ATAD2: variants seen among roughly 807,000 people sequenced by gnomAD.
ATAD2 encodes ATPase family AAA domain containing 2.
ATAD2 carries 62 observed loss-of-function variants against 168.9 expected under a neutral mutation model. That is an observed-to-expected ratio of 0.37 (90% CI 0.30 to 0.45). The LOEUF is 0.45. Among genes scored for constraint, ATAD2 ranks in the 20% least tolerant of loss-of-function variants. The pLI, the probability that ATAD2 is intolerant of heterozygous loss-of-function variation, is 1.00. For synonymous variants in ATAD2, 613 were observed against 571.6 expected (o/e 1.07, Z -1.03); for missense variants, 1,419 against 1,667.8 (o/e 0.85, Z 2.60).
intron 16 of ATAD2, 87 bp from the exon 17 acceptor site, chr8:123,346,837 A>G: frequency 7.4e-7 from 1 of 1,359,380 alleles, no homozygotes; most frequent in Non-Finnish European, 1.0e-6. Context: ...GCATACTTCA[A>G]TTAAATTTTT....
chr8:123,368,774 T>A (rs923672788), intron 8 of ATAD2, among the ~76,000 whole-genome samples: 2 of 152,172 alleles, frequency 1.3e-5, no homozygotes, highest in Non-Finnish European at 2.9e-5. Context: ...GAGCCAGGAC[T>A]ACAGTAAACC....
At chr8:123,326,441 A>T (rs1586853784) in intron 25 of ATAD2, among the ~76,000 whole-genome samples, 2 of 152,172 alleles carry the variant, frequency 1.3e-5, no homozygotes, top group South Asian at 4.2e-4. Flanking sequence ...AGGCCAAGGC[A>T]GGTGAATCCC....
At chr8:123,343,255 C>T (rs142141616) in intron 19 of ATAD2, among the ~76,000 whole-genome samples, 2 of 152,166 alleles carry the variant, frequency 1.3e-5, no homozygotes, top group African/African-American at 4.8e-5. Flanking sequence ...GAATTACAGG[C>T]GTGAACCACC....
At chr8:123,375,999 G>A (rs1018069127) in intron 2 of ATAD2, among the ~76,000 whole-genome samples, 3 of 151,966 alleles carry the variant, frequency 2.0e-5, no homozygotes, top group African/African-American at 4.8e-5. Context: ...CCAGCTACTC[G>A]GGAGGCTGAG....
In ATAD2 at chr8:123,389,459, GA is replaced by G. The variant is rs1485306110; in HGVS notation, c.171+6727del. On this transcript the variant is annotated intron_variant, in intron 1 of 27. Transcript: ENST00000287394. ...TTGAGACCATCCTGGCTATCACGGTGAAAACCCAGTCTCTACTAAAAATACA... is the reference window on the plus strand; with the variant it reads ...TTGAGACCATCCTGGCTATCACGGTGAAACCCAGTCTCTACTAAAAATACA... Among the ~76,000 whole-genome samples the G allele has an allele frequency of 2.0e-4, 30 of 150,352 alleles. No individual in the cohort carries two copies. In the East Asian group the frequency reaches 2.4e-3, roughly 12 times the overall value.
chr8:123,348,442 C>T (rs1401044490), intron 14 of ATAD2, among the ~76,000 whole-genome samples, 169 bp from the exon 15 acceptor site: 7 of 152,024 alleles, frequency 4.6e-5, no homozygotes, highest in African/African-American at 7.3e-5. Flanking sequence ...TTTGGGAGGC[C>T]GAGGCAGGTG....
intron 21 of ATAD2, 82 bp from the exon 22 acceptor site, chr8:123,336,614 G>A: frequency 1.9e-6 from 2 of 1,049,408 alleles, no homozygotes; most frequent in Non-Finnish European, 1.3e-6. Context: ...AGGCAATATA[G>A]GAGATAGAGA....
intron 1 of ATAD2, among the ~76,000 whole-genome samples, chr8:123,390,070 C>T (rs1184324871): frequency 1.3e-5 from 2 of 149,218 alleles, no homozygotes; most frequent in Non-Finnish European, 3.0e-5. Context: ...CCTCTGCCTC[C>T]AGGGTTCAAG....
intron 1 of ATAD2, chr8:123,401,887 G>C: frequency 1.3e-6 from 1 of 765,598 alleles, no homozygotes; most frequent in East Asian, 2.4e-5. Context: ...AGATCACACA[G>C]GGTGTCTCGG....
At chr8:123,400,791 T>C, upstream of ATAD2, 1 of 899,314 alleles carries the variant, frequency 1.1e-6, no homozygotes, top group Non-Finnish European at 1.9e-6. This position sits in a 1 kb window ranked among gnomAD's most constrained non-coding sequence, Gnocchi z 4.5. Flanking sequence ...CCATGGACAC[T>C]GTGACAGAGG....
rs750743842 is a variant in ATAD2, at chr8:123,369,942, ATCG to A, written c.807_809del (p.Asp277del). 42 of 1,554,772 alleles carry A rather than the reference ATCG, an allele frequency of 2.7e-5. No homozygotes were observed. Among genetic ancestry groups the A allele is most frequent in the African/African-American group, 1.1e-4 (8 of 73,114 alleles). ...CTTCATCATCATCATCATCATCATCATCGTCATCATCATCATCATCTTCATCAT... is the reference window on the plus strand; with the variant it reads ...CTTCATCATCATCATCATCATCATCATCATCATCATCATCATCTTCATCAT... On this transcript the variant is annotated inframe_deletion, in exon 7 of 28. Coordinates refer to ENST00000287394, the MANE Select transcript of ATAD2 (RefSeq NM_014109.4).
intron 24 of ATAD2, 103 bp downstream of exon 24, chr8:123,333,775 T>C: frequency 2.4e-6 from 3 of 1,246,044 alleles, no homozygotes; most frequent in Non-Finnish European, 3.2e-6. Context: ...ATCAATGTAA[T>C]TCACTGCATT....
At position 123,372,617 on chromosome 8, in the gene ATAD2, A is replaced by T. The variant is rs773399522; in HGVS notation, c.370+20T>A. The T allele has an allele frequency of 6.5e-7, 1 of 1,542,576 alleles. No homozygotes were observed. The highest frequency in any genetic ancestry group is 2.0e-5 in the Admixed American group (1 of 49,082). Reference sequence around the variant, plus strand: ...TTAATTACACATTTTAAGATCTGAAATGACTTTAACAGTACTTACCTTCTC... The same window carrying T: ...TTAATTACACATTTTAAGATCTGAATTGACTTTAACAGTACTTACCTTCTC... On this transcript the variant is annotated intron_variant, in intron 3 of 27. Transcript: ENST00000287394.
At chr8:123,385,583 G>T (rs1829623802) in intron 1 of ATAD2, among the ~76,000 whole-genome samples, 1 of 152,026 alleles carries the variant, frequency 6.6e-6, no homozygotes, top group Non-Finnish European at 1.5e-5. Context: ...GGAGAAAACA[G>T]CATTGGATTT....
intron 1 of ATAD2, among the ~76,000 whole-genome samples, chr8:123,408,000 G>A (rs527524098): frequency 1.1e-3 from 175 of 152,326 alleles, no homozygotes; most frequent in African/African-American, 4.1e-3. Context: ...TGAGGTCATA[G>A]GTGGGTCCCT....
At chr8:123,375,403 A>G (rs1563858021) in intron 2 of ATAD2, among the ~76,000 whole-genome samples, 1 of 152,318 alleles carries the variant, frequency 6.6e-6, no homozygotes. Flanking sequence ...GGATGTAGAG[A>G]CCCTCATACA....
Position 123,371,835 on chromosome 8 carries a change from T to C in ATAD2, c.371A>G (p.Asp124Gly), listed in dbSNP as rs1346498195. 3.1e-5 allele frequency: 50 copies of C among 1,593,056 alleles called. No homozygotes were observed. The highest frequency in any genetic ancestry group is 4.0e-5 in the Non-Finnish European group (47 of 1,172,756). ...ADKKKEEHRE[D>G]KVIPVTRSLR... is the part of the protein sequence containing the mutation. ...TGACCGAGTAACTGGAATCACTTTG[T>C]CTTCACAAATGCATACATAAAAATA... The change falls in exon 4 of 28, where the codon GAC becomes GGC. Residue 124 changes from aspartate to glycine, a missense_variant and splice_region_variant. This residue lies in a region of ATAD2 where 419 missense variants were observed against 423.5 expected (regional missense o/e 0.99). Transcript: ENST00000287394.
At chr8:123,380,176 C>T (rs1419856376) in intron 2 of ATAD2, among the ~76,000 whole-genome samples, 1 of 151,698 alleles carries the variant, frequency 6.6e-6, no homozygotes, top group East Asian at 1.9e-4. Flanking sequence ...CTCAGCCTCC[C>T]GAGTAGCTGG....
chr8:123,328,688 A>AT lies in ATAD2; in HGVS notation c.3479-110dup, dbSNP rs531722213. 2.4e-4 allele frequency: 268 copies of AT among 1,115,260 alleles called. No individual in the cohort carries two copies. The African/African-American group carries it at 3.8e-3, about 16-fold the overall frequency. 69.1% of individuals were successfully genotyped at this position (1,115,260 alleles called of 1,614,324 possible). ...AGGATAAATAGTGAGAAACCACAGT[A>AT]TTTTGTATGATTAAAATACAGAAAC... On this transcript the variant is annotated intron_variant, in intron 24 of 27. Coordinates refer to ENST00000287394, the MANE Select transcript of ATAD2 (RefSeq NM_014109.4).
Sources: allele counts gnomAD v4.1 joint callset (sites outside exome capture counted in the v4.1 genomes callset), GRCh38; gene constraint gnomAD v4.1.1; regional missense constraint gnomAD v4.1.1; non-coding constraint Gnocchi (gnomAD v3.1); transcripts MANE v1.5; gene names NCBI Gene and HGNC (gene_info 2026-07-23, HGNC 2026-07-21).